PSD3: variants seen among roughly 807,000 people sequenced by gnomAD.
The protein encoded by PSD3 is PH and SEC7 domain-containing protein 3.
PSD3 carries 49 observed loss-of-function variants against 105.5 expected under a neutral mutation model. The observed-to-expected ratio is 0.46, with a 90% CI of 0.37 to 0.59. PSD3 has a LOEUF of 0.59. Among genes scored for constraint, PSD3 ranks in the 20% least tolerant of loss-of-function variants. The pLI is 0.00. For synonymous variants in PSD3, 557 were observed against 457.8 expected, an observed-to-expected ratio of 1.22 and a Z score of -2.77; for missense variants, 1,561 against 1,263.8, an observed-to-expected ratio of 1.24 and a Z score of -3.57.
intron 1 of PSD3, among the ~76,000 whole-genome samples, chr8:19,019,117 G>C (rs1827276032): frequency 6.6e-6 from 1 of 152,070 alleles, no homozygotes; most frequent in Admixed American, 6.6e-5. Context: ...TCTTATTCCT[G>C]GTGAAAGCTT....
intron 8 of PSD3, among the ~76,000 whole-genome samples, chr8:18,796,090 C>T (rs1256319144): frequency 1.3e-5 from 2 of 152,026 alleles, no homozygotes; most frequent in African/African-American, 4.8e-5. Context: ...TACTTGCAGA[C>T]AAGTAAAAAC....
chr8:18,583,561 C>T (rs1013355294), intron 12 of PSD3, among the ~76,000 whole-genome samples: 1 of 152,168 alleles, frequency 6.6e-6, no homozygotes, highest in African/African-American at 2.4e-5. Flanking sequence ...ACTGAACCTG[C>T]AGTTCCCCAA....
At chr8:18,864,497 A>C (rs1816683569) in intron 4 of PSD3, among the ~76,000 whole-genome samples, 1 of 152,216 alleles carries the variant, frequency 6.6e-6, no homozygotes, top group South Asian at 2.1e-4. Flanking sequence ...CTAACACTTT[A>C]TACATTAAAA....
At chr8:19,077,352 TTTAAAG>T (rs532448147) in intron 1 of PSD3, among the ~76,000 whole-genome samples, 53 of 152,238 alleles carry the variant, frequency 3.5e-4, no homozygotes, top group African/African-American at 1.1e-3. Context: ...ATCCTGAAAA[TTTAAAG>T]TTAAATTCTA....
intron 2 of PSD3, among the ~76,000 whole-genome samples, chr8:18,881,751 A>AT (rs1480450933): frequency 2.6e-5 from 4 of 152,120 alleles, no homozygotes; most frequent in Non-Finnish European, 4.4e-5. Context: ...TTTGTCTTGT[A>AT]TTGTTTTGTT....
At chr8:18,791,549 C>T (rs1208155172) in intron 8 of PSD3, among the ~76,000 whole-genome samples, 1 of 152,092 alleles carries the variant, frequency 6.6e-6, no homozygotes, top group Non-Finnish European at 1.5e-5. Context: ...AAACTGGATC[C>T]CTTCCTTACA....
At position 18,683,486 on chromosome 8, in the gene PSD3, C is replaced by G. The variant is rs1374776644; in HGVS notation, c.2173-27801G>C. Among the ~76,000 whole-genome samples the G allele has an allele frequency of 3.9e-5, 6 of 152,308 alleles. No individual in the cohort carries two copies. The East Asian group carries it at 1.2e-3, about 29-fold the overall frequency. On this transcript the variant is annotated intron_variant, in intron 9 of 15. Coordinates refer to ENST00000327040, the MANE Select transcript of PSD3 (RefSeq NM_015310.4). ...ACCTTTCTGAGACCAAAAACAAGAT[C>G]GATGTGCCAAACAACAGTTTCCCAC... is the stretch of plus-strand genomic sequence containing the variant.
intron 2 of PSD3, among the ~76,000 whole-genome samples, chr8:18,894,784 A>G (rs34228425): frequency 0.2 from 30,863 of 152,194 alleles, 3,448 homozygotes; most frequent in South Asian, 0.34. Flanking sequence ...AAAAAAATAC[A>G]AAGTAAACCA....
intron 9 of PSD3, chr8:18,734,116 T>C (rs1391485784): frequency 6.6e-6 from 1 of 152,216 alleles, no homozygotes; most frequent in African/African-American, 2.4e-5. Context: ...TTCTTAATAT[T>C]GACAAACATT....
chr8:18,611,610 TACTG>T (rs1323769375), intron 11 of PSD3, among the ~76,000 whole-genome samples: 4 of 152,262 alleles, frequency 2.6e-5, no homozygotes, highest in Non-Finnish European at 5.9e-5. Flanking sequence ...TAATTAAAGA[TACTG>T]TCTGCTAAAG....
chr8:18,710,856 A>C (rs1802209408), intron 9 of PSD3, among the ~76,000 whole-genome samples: 2 of 151,978 alleles, frequency 1.3e-5, no homozygotes, highest in Admixed American at 1.3e-4. Context: ...TAATTTTTGT[A>C]TTTTTAGTAG....
At chr8:18,600,555 TAAG>T in intron 11 of PSD3, 121 bp from the exon 12 acceptor site, 1 of 824,320 alleles carries the variant, frequency 1.2e-6, no homozygotes, top group Non-Finnish European at 1.9e-6. Flanking sequence ...GTAATAACAA[TAAG>T]AACTAAAATT....
chr8:18,819,152 G>C (rs1029349648), intron 4 of PSD3, among the ~76,000 whole-genome samples: 1 of 152,146 alleles, frequency 6.6e-6, no homozygotes, highest in Non-Finnish European at 1.5e-5. Context: ...AACACTTTTT[G>C]TCCACTGCAC....
chr8:18,628,827 G>T (rs975650312), intron 11 of PSD3, among the ~76,000 whole-genome samples: 5 of 151,524 alleles, frequency 3.3e-5, no homozygotes, highest in Non-Finnish European at 5.9e-5. Context: ...ACAGCAAACA[G>T]GCCAATAGTG....
At chr8:19,081,048 C>T (rs1373315002) in intron 1 of PSD3, among the ~76,000 whole-genome samples, 1 of 152,158 alleles carries the variant, frequency 6.6e-6, no homozygotes, top group East Asian at 1.9e-4. Flanking sequence ...CAAATGTGAA[C>T]AGTTCCCTGG....
intron 14 of PSD3, among the ~76,000 whole-genome samples, chr8:18,570,838 TA>T (rs1380640187): frequency 1.8e-5 from 2 of 113,814 alleles, no homozygotes; most frequent in Non-Finnish European, 3.5e-5. Flanking sequence ...CTGTCCTGCT[TA>T]AAACTATTAT....
intron 9 of PSD3, among the ~76,000 whole-genome samples, chr8:18,661,591 C>G (rs1809352022): frequency 6.6e-6 from 1 of 152,152 alleles, no homozygotes. Context: ...GAAGCTTCTC[C>G]AAAACTAGGA....
intron 9 of PSD3, among the ~76,000 whole-genome samples, chr8:18,720,114 G>A (rs1201601616): frequency 1.3e-5 from 2 of 152,008 alleles, no homozygotes; most frequent in Non-Finnish European, 2.9e-5. Flanking sequence ...CCAATGTATG[G>A]GAAACTCATA....
chr8:18,878,967 A>G (rs898516236), intron 2 of PSD3, among the ~76,000 whole-genome samples: 1 of 152,018 alleles, frequency 6.6e-6, no homozygotes, highest in African/African-American at 2.4e-5. Flanking sequence ...AAGAAAAGTT[A>G]AACTTAGACA....
Sources: gnomAD v4.1 joint callset for allele counts (sites outside exome capture counted in the v4.1 genomes callset) on GRCh38, gnomAD v4.1.1 for gene constraint, MANE v1.5 for transcripts, NCBI Gene and HGNC (gene_info 2026-07-23, HGNC 2026-07-21) for gene names.